Variants in IL18R1 observed in about 807,000 individuals in gnomAD.
IL18R1 encodes interleukin 18 receptor 1, also known as interleukin-18 receptor 1.
Under a neutral mutation model 48.5 loss-of-function variants are expected in IL18R1, and 40 were observed. That is an observed-to-expected ratio of 0.82 (90% CI 0.64 to 1.07). The LOEUF (loss-of-function observed/expected upper bound fraction) is 1.07. Among genes scored for constraint, IL18R1 ranks in the 50% least tolerant of loss-of-function variants. The pLI is 0.00. For synonymous variants in IL18R1, 232 were observed against 225.9 expected (o/e 1.03, Z -0.24); for missense variants, 596 against 633.7 (o/e 0.94, Z 0.64).
At chr2:102,369,514 A>G (rs1679122048) in intron 3 of IL18R1, among the ~76,000 whole-genome samples, 1 of 152,220 alleles carries the variant, frequency 6.6e-6, no homozygotes, top group African/African-American at 2.4e-5. Flanking sequence ...CTATGAGAGT[A>G]AAGTGTTGAG....
At chr2:102,358,417 A>T (rs1420385253) in intron 1 of IL18R1, among the ~76,000 whole-genome samples, 1 of 151,480 alleles carries the variant, frequency 6.6e-6, no homozygotes, top group African/African-American at 2.4e-5. Context: ...TTTGAAGGAA[A>T]CTTTTTTTTT....
chr2:102,391,270 C>T (rs1022361545), intron 9 of IL18R1, among the ~76,000 whole-genome samples: 1 of 152,068 alleles, frequency 6.6e-6, no homozygotes, highest in African/African-American at 2.4e-5. Context: ...ATGATTCCCA[C>T]CCCTCATTGA....
intron 2 of IL18R1, among the ~76,000 whole-genome samples, chr2:102,363,282 G>A (rs1157832135): frequency 1.3e-5 from 2 of 151,686 alleles, no homozygotes; most frequent in Non-Finnish European, 2.9e-5. Context: ...CTTAGGCTTT[G>A]GGGGAGAAAG....
At chr2:102,379,264 C>G (rs1454166783) in intron 5 of IL18R1, among the ~76,000 whole-genome samples, 2 of 151,948 alleles carry the variant, frequency 1.3e-5, no homozygotes, top group African/African-American at 4.8e-5. Context: ...GCCAACATGG[C>G]AAAACCCCAT....
At chr2:102,394,705 T>A in intron 10 of IL18R1, 78 bp downstream of exon 10, 1 of 1,274,004 alleles carries the variant, frequency 7.8e-7, no homozygotes, top group Non-Finnish European at 1.1e-6. Flanking sequence ...CCCAGAGAGC[T>A]ATCCCATTTT....
Position 102,394,646 on chromosome 2 carries a change from T to A in IL18R1, c.1270+19T>A. ...GGAGGAGGTAAGAGGGAATGCCAGA[T>A]AGAAAAATATTCAAGATAGTTTCTT... On this transcript the variant is annotated intron_variant, in intron 10 of 10. Coordinates refer to ENST00000233957, the MANE Select transcript of IL18R1 (RefSeq NM_003855.5). The A allele has an allele frequency of 6.4e-7, 1 of 1,569,226 alleles. No homozygotes were observed.
chr2:102,390,503 C>G (rs543567840), intron 9 of IL18R1, among the ~76,000 whole-genome samples: 1 of 152,266 alleles, frequency 6.6e-6, no homozygotes, highest in South Asian at 2.1e-4. Context: ...AACTGTATAT[C>G]TGGGTGTCTT....
At chr2:102,382,235 G>C (rs961234879) in intron 6 of IL18R1, among the ~76,000 whole-genome samples, 1 of 152,050 alleles carries the variant, frequency 6.6e-6, no homozygotes, top group Non-Finnish European at 1.5e-5. Flanking sequence ...TCACACCACT[G>C]CACTCCAGCC....
At chr2:102,365,115 C>A (rs187231244) in intron 2 of IL18R1, among the ~76,000 whole-genome samples, 1 of 152,234 alleles carries the variant, frequency 6.6e-6, no homozygotes, top group African/African-American at 2.4e-5. Context: ...TTCTAACAGT[C>A]CCCCAAAGTC....
chr2:102,395,000 A>G (rs1420310335), intron 10 of IL18R1, among the ~76,000 whole-genome samples: 2 of 152,224 alleles, frequency 1.3e-5, no homozygotes, highest in African/African-American at 4.8e-5. Flanking sequence ...TGTGTGGACT[A>G]GTTAATCCTC....
At position 102,384,877 on chromosome 2, in the gene IL18R1, G is replaced by T; in HGVS notation, c.689-1G>T. 1 of 1,605,780 alleles carries T rather than the reference G, an allele frequency of 6.2e-7. No individual in the cohort carries two copies. The highest frequency in any genetic ancestry group is 1.1e-5 in the South Asian group (1 of 88,546). On this transcript the variant is annotated splice_acceptor_variant, in intron 6 of 10. Coordinates refer to ENST00000233957, the MANE Select transcript of IL18R1 (RefSeq NM_003855.5). LOFTEE classifies it high-confidence loss of function. ...GAACTTTAGTTGCCAACTTTTACCA[G>T]GAAAAAACGTAAGGCTCAACTGCTC...
chr2:102,390,450 T>C (rs1680496890), intron 9 of IL18R1, among the ~76,000 whole-genome samples: 1 of 152,180 alleles, frequency 6.6e-6, no homozygotes. Context: ...CGTGTATGTA[T>C]GTCATAGCTT....
In IL18R1 at chr2:102,396,809, C is replaced by A. The variant is rs373660819; in HGVS notation, c.1549C>A (p.Leu517Ile). ...TAACTCAAGGTTCTGGAAGAACCTT[C>A]TTTACTTAATGCCTGCAAAAACAGT... ...SYNSRFWKNL[L>I]YLMPAKTVKP... Residue 517 changes from leucine to isoleucine, a missense_variant, in exon 11 of 11, where the codon CTT becomes ATT. This residue lies in a region of IL18R1 where 179 missense variants were observed against 206.1 expected (regional missense o/e 0.87). Coordinates refer to ENST00000233957, the MANE Select transcript of IL18R1 (RefSeq NM_003855.5). The A allele has an allele frequency of 1.2e-6, 2 of 1,613,466 alleles. No homozygotes were observed. The highest frequency in any genetic ancestry group is 1.3e-5 in the African/African-American group (1 of 74,872).
intron 2 of IL18R1, chr2:102,363,009 G>C (rs1363734372): frequency 4.4e-6 from 1 of 228,870 alleles, no homozygotes; most frequent in Non-Finnish European, 8.4e-6. Context: ...TTCCTGAGAG[G>C]GAGGCAAAGA....
chr2:102,391,829 T>A (rs1203935971), intron 9 of IL18R1, among the ~76,000 whole-genome samples: 1 of 152,250 alleles, frequency 6.6e-6, no homozygotes, highest in Admixed American at 6.5e-5. Context: ...AACTTTTCAT[T>A]TGCATAAGGC....
At chr2:102,388,223 C>G (rs1050153528) in intron 8 of IL18R1, among the ~76,000 whole-genome samples, 2 of 152,222 alleles carry the variant, frequency 1.3e-5, no homozygotes, top group African/African-American at 2.4e-5. Context: ...AGCCGCCTCT[C>G]TACCATATGC....
chr2:102,360,405 A>G (rs1678505587), intron 1 of IL18R1, among the ~76,000 whole-genome samples: 1 of 152,158 alleles, frequency 6.6e-6, no homozygotes, highest in African/African-American at 2.4e-5. Flanking sequence ...CTGGGACTAC[A>G]GGTGCCTGCC....
At chr2:102,365,254 G>A (rs1678820860) in intron 2 of IL18R1, among the ~76,000 whole-genome samples, 1 of 152,144 alleles carries the variant, frequency 6.6e-6, no homozygotes, top group African/African-American at 2.4e-5. Flanking sequence ...GGGAGTACAG[G>A]CATTGAGTAA....
In IL18R1 at chr2:102,397,742, T is replaced by C. The variant is rs1680896990; in HGVS notation, c.*856T>C. The C allele has an allele frequency of 1.3e-5, 2 of 152,312 alleles. No individual in the cohort carries two copies. The highest frequency in any genetic ancestry group is 1.3e-4 in the Admixed American group (2 of 15,276). 9.4% of individuals were successfully genotyped at this position (152,312 alleles called of 1,614,324 possible). On this transcript the variant is annotated 3_prime_UTR_variant, in exon 11 of 11. Coordinates refer to ENST00000233957, the MANE Select transcript of IL18R1 (RefSeq NM_003855.5). ...TTGCTTGTTTTTTAAAAATTACATATTAAAAATGCCCTTGGCATAAGGCAG... is the reference window on the plus strand; with the variant it reads ...TTGCTTGTTTTTTAAAAATTACATACTAAAAATGCCCTTGGCATAAGGCAG...
Sources: allele counts gnomAD v4.1 joint callset (sites outside exome capture counted in the v4.1 genomes callset), GRCh38; gene constraint gnomAD v4.1.1; regional missense constraint gnomAD v4.1.1; transcripts MANE v1.5; gene names NCBI Gene and HGNC (gene_info 2026-07-23, HGNC 2026-07-21).